The following TEK variants were observed in gnomAD, a reference collection of about 807,000 sequenced individuals.
TEK encodes angiopoietin-1 receptor.
In TEK, 43 loss-of-function variants were observed where a neutral mutation model predicts 131.8. That is an observed-to-expected ratio of 0.33 (90% CI 0.26 to 0.42). TEK has a LOEUF of 0.42. Ranked by LOEUF, TEK falls within the 10% of genes least tolerant of loss-of-function variation. TEK has a pLI of 1.00. For missense variants in TEK, 1,162 were observed against 1,384.4 expected (o/e 0.84, Z 2.55); for synonymous variants, 580 against 491.6 (o/e 1.18, Z -2.38).
chr9:27,187,481 A>G (rs1824641283), intron 9 of TEK, among the ~76,000 whole-genome samples: 1 of 152,174 alleles, frequency 6.6e-6, no homozygotes, highest in Non-Finnish European at 1.5e-5. Context: ...ATTATGTTCA[A>G]AAAAGACATC....
At chr9:27,133,335 C>A (rs1822292911) in intron 1 of TEK, among the ~76,000 whole-genome samples, 1 of 152,182 alleles carries the variant, frequency 6.6e-6, no homozygotes, top group South Asian at 2.1e-4. Flanking sequence ...GAATTTCTGG[C>A]ATCAAAAGGG....
At chr9:27,121,889 C>T (rs926369932) in intron 1 of TEK, among the ~76,000 whole-genome samples, 6 of 152,036 alleles carry the variant, frequency 3.9e-5, no homozygotes, top group Admixed American at 2.0e-4. Context: ...GCATTTTGGG[C>T]GTGTAATTAA....
intron 2 of TEK, among the ~76,000 whole-genome samples, chr9:27,163,279 A>G (rs1217795534): frequency 6.6e-6 from 1 of 152,144 alleles, no homozygotes; most frequent in Admixed American, 6.5e-5. Flanking sequence ...ACCCTGTGCT[A>G]CCTTTCAAAA....
At chr9:27,162,330 C>T (rs1420257815) in intron 2 of TEK, among the ~76,000 whole-genome samples, 1 of 152,154 alleles carries the variant, frequency 6.6e-6, no homozygotes, top group Non-Finnish European at 1.5e-5. Context: ...TGTGCCAAAA[C>T]ACAGCTTAAA....
intron 1 of TEK, among the ~76,000 whole-genome samples, chr9:27,150,544 G>A (rs1178163404): frequency 6.6e-6 from 1 of 152,082 alleles, no homozygotes; most frequent in Non-Finnish European, 1.5e-5. Flanking sequence ...CCTTGAGTTC[G>A]AGGCTGCAGT....
chr9:27,174,743 C>G (rs2131153297), intron 6 of TEK, among the ~76,000 whole-genome samples: 1 of 152,196 alleles, frequency 6.6e-6, no homozygotes, highest in East Asian at 1.9e-4. Context: ...TGCAGTGAGC[C>G]ACAGCAGTGG....
At chr9:27,211,432 CTTTTTTTTTTT>C (rs138801213) in intron 16 of TEK, among the ~76,000 whole-genome samples, 1 of 70,528 alleles carries the variant, frequency 1.4e-5, no homozygotes, top group Admixed American at 2.1e-4. Context: ...ATCTTTCAAG[CTTTTTTTTTTT>C]TTTTTTTTTT....
chr9:27,197,623 C>T, intron 12 of TEK, 24 bp downstream of exon 12: 3 of 1,613,298 alleles, frequency 1.9e-6, no homozygotes, highest in Non-Finnish European at 1.7e-6. Flanking sequence ...GCTGCTCCAG[C>T]CTCATCTGAG....
intron 20 of TEK, 38 bp from the exon 21 acceptor site, chr9:27,220,011 G>A (rs749588876): frequency 1.9e-6 from 3 of 1,602,100 alleles, no homozygotes; most frequent in South Asian, 1.1e-5. Flanking sequence ...TGCTTTTCAT[G>A]CCAGAGAGGA....
chr9:27,138,138 G>A (rs560021693), intron 1 of TEK, among the ~76,000 whole-genome samples: 17 of 152,326 alleles, frequency 1.1e-4, no homozygotes, highest in African/African-American at 4.1e-4. Context: ...GAGTGTTTCA[G>A]CTCATAAAGG....
chr9:27,196,243 G>A (rs1825004122), intron 11 of TEK, among the ~76,000 whole-genome samples: 1 of 152,060 alleles, frequency 6.6e-6, no homozygotes, highest in Admixed American at 6.5e-5. Flanking sequence ...TCTTTATTGG[G>A]CTTTCATACT....
At chr9:27,140,637 C>T (rs1009502789) in intron 1 of TEK, among the ~76,000 whole-genome samples, 4 of 151,904 alleles carry the variant, frequency 2.6e-5, no homozygotes, top group African/African-American at 9.7e-5. Flanking sequence ...ATATGTCTTA[C>T]ATAAAGATAT....
intron 17 of TEK, 148 bp downstream of exon 17, chr9:27,213,045 C>G (rs779203605): frequency 2.4e-6 from 2 of 823,688 alleles, no homozygotes; most frequent in African/African-American, 3.5e-5. Context: ...AATAGTCCAT[C>G]TATTTAAAGA....
At chr9:27,190,959 C>T (rs920289799) in intron 10 of TEK, among the ~76,000 whole-genome samples, 13 of 152,202 alleles carry the variant, frequency 8.5e-5, no homozygotes, top group South Asian at 2.1e-4. Context: ...TTTTGGATCT[C>T]CAGTCCTGTT....
chr9:27,144,859 G>A (rs911010655), intron 1 of TEK, among the ~76,000 whole-genome samples: 3 of 152,120 alleles, frequency 2.0e-5, no homozygotes, highest in African/African-American at 7.2e-5. Context: ...TGTTCGAGAG[G>A]GAAGAAAAGC....
At chr9:27,154,758 C>G (rs1475815743) in intron 1 of TEK, among the ~76,000 whole-genome samples, 2 of 152,326 alleles carry the variant, frequency 1.3e-5, no homozygotes, top group African/African-American at 4.8e-5. Context: ...GGACAGAGTA[C>G]TGGCTGGTGG....
intron 19 of TEK, among the ~76,000 whole-genome samples, chr9:27,218,437 C>G (rs1825910943): frequency 6.6e-6 from 1 of 152,112 alleles, no homozygotes; most frequent in Non-Finnish European, 1.5e-5. Context: ...GGTTCAGCAA[C>G]TGTTTCCAGG....
intron 1 of TEK, among the ~76,000 whole-genome samples, chr9:27,124,852 A>G (rs1470269122): frequency 6.6e-6 from 1 of 152,100 alleles, no homozygotes; most frequent in African/African-American, 2.4e-5. Flanking sequence ...AACCATCAAC[A>G]CCTGTGCATA....
chr9:27,223,394 G>A (rs529054887), intron 21 of TEK, among the ~76,000 whole-genome samples: 19 of 152,094 alleles, frequency 1.2e-4, no homozygotes, highest in East Asian at 3.9e-4. Flanking sequence ...AAGCAAATGC[G>A]AAAAAACGGA....
Sources: allele counts gnomAD v4.1 joint callset (sites outside exome capture counted in the v4.1 genomes callset), GRCh38; gene constraint gnomAD v4.1.1; transcripts MANE v1.5; gene names NCBI Gene and HGNC (gene_info 2026-07-23, HGNC 2026-07-21).